The following NT5M variants were observed in gnomAD, a reference collection of about 807,000 sequenced individuals.
NT5M encodes 5'(3')-deoxyribonucleotidase, mitochondrial.
A neutral mutation model predicts 22.2 loss-of-function variants in NT5M; 22 were observed. The observed-to-expected ratio is 0.99, with a 90% CI of 0.71 to 1.41. The LOEUF is 1.41. Ranked by LOEUF, NT5M falls within the 40% of genes most tolerant of loss-of-function variation. The pLI, the probability that NT5M is intolerant of heterozygous loss-of-function variation, is 0.00. For synonymous variants in NT5M, 167 were observed against 133.0 expected (o/e 1.26, Z -1.76); for missense variants, 322 against 314.8 (o/e 1.02, Z -0.17).
chr17:17,342,071 C>A (rs1341637940), intron 3 of NT5M, among the ~76,000 whole-genome samples: 1 of 151,960 alleles, frequency 6.6e-6, no homozygotes, highest in Non-Finnish European at 1.5e-5. Context: ...GGGTTAAATA[C>A]ATATAAATAC....
chr17:17,333,997 C>G (rs1045304035), intron 3 of NT5M, among the ~76,000 whole-genome samples: 2 of 152,028 alleles, frequency 1.3e-5, no homozygotes, highest in East Asian at 3.9e-4. Context: ...CCACACCTGG[C>G]TAATTTTTTG....
intron 4 of NT5M, 110 bp downstream of exon 4, chr17:17,345,018 G>A: frequency 6.7e-7 from 1 of 1,486,264 alleles, no homozygotes; most frequent in Non-Finnish European, 9.1e-7. Flanking sequence ...GTCACCAGCT[G>A]TTTGCCAGGC....
chr17:17,346,824 C>A lies in NT5M; in HGVS notation c.564C>A (p.Ser188Arg), dbSNP rs1555632431. 6.2e-7 allele frequency: 1 copy of A among 1,607,788 alleles called. No individual in the cohort carries two copies. Among genetic ancestry groups the A allele is most frequent in the Non-Finnish European group, 8.5e-7 (1 of 1,179,928 alleles). The change falls in exon 5 of 5, where the codon AGC (serine) becomes AGA (arginine). Residue 188 changes from serine (S) to arginine (R), a missense_variant. Ser to Arg is a moderately radical substitution (Grantham distance 110). Transcript: ENST00000389022. ...PDITGAEPTP[S>R]WEHVLFTACH... ...CCACAGGGGCCGAGCCAACCCCCAG[C>A]TGGGAGCATGTCCTCTTCACCGCCT...
chr17:17,335,482 A>T (rs1371773023), intron 3 of NT5M, among the ~76,000 whole-genome samples: 1 of 152,084 alleles, frequency 6.6e-6, no homozygotes, highest in African/African-American at 2.4e-5. Context: ...GGTACATAGT[A>T]GGTGTGTATT....
Position 17,303,837 on chromosome 17 carries a change from C to T in NT5M, c.267+20C>T, listed in dbSNP as rs2048734019. 1 of 1,377,446 alleles carries T rather than the reference C, an allele frequency of 7.3e-7. No individual in the cohort carries two copies. Among genetic ancestry groups the T allele is most frequent in the Non-Finnish European group, 9.5e-7 (1 of 1,053,628 alleles). 85.3% of individuals were successfully genotyped at this position (1,377,446 alleles called of 1,614,324 possible). ...CTGAGCGTGAGCGTCCCCGCCCCGC[C>T]CCGCGCCGGGCCTCCTTCTCGCCCC... On this transcript the variant is annotated intron_variant, in intron 1 of 4. Transcript: ENST00000389022.
chr17:17,316,614 G>A (rs536892967), intron 2 of NT5M, among the ~76,000 whole-genome samples: 2 of 150,718 alleles, frequency 1.3e-5, no homozygotes, highest in Non-Finnish European at 3.0e-5. Flanking sequence ...AACCTTGGGT[G>A]ATCAGCTCTC....
At chr17:17,345,572 G>T (rs944854887) in intron 4 of NT5M, among the ~76,000 whole-genome samples, 4 of 150,250 alleles carry the variant, frequency 2.7e-5, no homozygotes, top group African/African-American at 9.8e-5. Flanking sequence ...GAAGTGGAAG[G>T]ATTGTTTGAG....
At chr17:17,310,472 T>C (rs1045284302) in intron 2 of NT5M, among the ~76,000 whole-genome samples, 3 of 152,084 alleles carry the variant, frequency 2.0e-5, no homozygotes, top group Admixed American at 2.0e-4. Context: ...GACAAACCAA[T>C]TGAAAACCTC....
At chr17:17,327,075 CTAATTTTTTTTTGTATTTTTAG>C (rs1567892150) in intron 3 of NT5M, among the ~76,000 whole-genome samples, 16 of 107,142 alleles carry the variant, frequency 1.5e-4, no homozygotes, top group East Asian at 5.4e-4. Flanking sequence ...CCACACCCGG[CTAATTTTTTTTTGTATTTTTAG>C]TAGAAACAGG....
chr17:17,304,819 C>T (rs1435726097), intron 1 of NT5M, among the ~76,000 whole-genome samples: 1 of 152,178 alleles, frequency 6.6e-6, no homozygotes, highest in African/African-American at 2.4e-5. Flanking sequence ...CTCTGTACTA[C>T]TGTCTCTAAC....
intron 2 of NT5M, among the ~76,000 whole-genome samples, chr17:17,320,556 CG>C (rs2049130255): frequency 6.6e-6 from 1 of 152,096 alleles, no homozygotes; most frequent in Non-Finnish European, 1.5e-5. Flanking sequence ...AGGGAAGACT[CG>C]GGGAGAGACA....
intron 1 of NT5M, among the ~76,000 whole-genome samples, chr17:17,305,394 G>GCCCCCCCCCCC (rs34579357): frequency 1.6e-3 from 122 of 74,134 alleles, no homozygotes; most frequent in East Asian, 3.0e-3. Context: ...TAAAACAACC[G>GCCCCCCCCCCC]CCCCCCCCCC....
chr17:17,332,788 T>C (rs2049414407), intron 3 of NT5M, among the ~76,000 whole-genome samples: 1 of 152,136 alleles, frequency 6.6e-6, no homozygotes, highest in South Asian at 2.1e-4. Flanking sequence ...CAGTGCACCA[T>C]GGTCACTCAG....
intron 1 of NT5M, 27 bp from the exon 2 acceptor site, chr17:17,306,516 A>G (rs2048804303): frequency 5.2e-6 from 8 of 1,547,436 alleles, no homozygotes; most frequent in Non-Finnish European, 7.1e-6. Flanking sequence ...GGACCCTGGA[A>G]GTAACTTGCT....
chr17:17,333,506 T>A (rs774007101), intron 3 of NT5M: 1 of 152,582 alleles, frequency 6.6e-6, no homozygotes, highest in Admixed American at 6.6e-5. Context: ...AGATGGGGTC[T>A]TGCTATGTTG....
intron 3 of NT5M, among the ~76,000 whole-genome samples, chr17:17,332,361 C>G (rs1161889870): frequency 6.6e-6 from 1 of 152,142 alleles, no homozygotes; most frequent in Non-Finnish European, 1.5e-5. Context: ...CAGCACTGTC[C>G]TCTGCCAGCA....
At chr17:17,328,566 G>A (rs1860552) in intron 3 of NT5M, among the ~76,000 whole-genome samples, 115,543 of 152,032 alleles carry the variant, frequency 0.76, 44,937 homozygotes, top group East Asian at 0.99. Flanking sequence ...GATGGGTCTC[G>A]GGGCACATCT....
At chr17:17,330,280 A>G (rs1165443316) in intron 3 of NT5M, among the ~76,000 whole-genome samples, 1 of 148,674 alleles carries the variant, frequency 6.7e-6, no homozygotes, top group Non-Finnish European at 1.5e-5. Context: ...AGCCTGAGTG[A>G]CAGTCAGACT....
intron 2 of NT5M, among the ~76,000 whole-genome samples, chr17:17,318,706 A>G (rs1470289135): frequency 7.0e-6 from 1 of 142,090 alleles, no homozygotes; most frequent in African/African-American, 2.6e-5. Context: ...AATCCCTTGA[A>G]CCTGGGGAGC....
Sources: gnomAD v4.1 joint callset for allele counts (sites outside exome capture counted in the v4.1 genomes callset) on GRCh38, gnomAD v4.1.1 for gene constraint, MANE v1.5 for transcripts, NCBI Gene and HGNC (gene_info 2026-07-23, HGNC 2026-07-21) for gene names.